FLOT1: variants seen among roughly 807,000 people sequenced by gnomAD.
FLOT1 encodes flotillin-1.
FLOT1 carries 40 observed loss-of-function variants against 58.4 expected under a neutral mutation model. That is an observed-to-expected ratio of 0.69 (90% CI 0.53 to 0.89). The LOEUF (loss-of-function observed/expected upper bound fraction) is 0.89, where lower values mean the gene tolerates loss of function less well. Among genes scored for constraint, FLOT1 ranks in the 40% least tolerant of loss-of-function variants. The pLI is 0.00. For missense variants in FLOT1, 423 were observed against 540.8 expected, an observed-to-expected ratio of 0.78 and a Z score of 2.16; for synonymous variants, 178 against 204.2, an observed-to-expected ratio of 0.87 and a Z score of 1.09.
intron 8 of FLOT1, among the ~76,000 whole-genome samples, chr6:30,738,135 T>C (rs923863959): frequency 3.3e-5 from 5 of 152,210 alleles, no homozygotes; most frequent in African/African-American, 1.2e-4. Context: ...CCAATGTGCA[T>C]ACAAATCACC....
chr6:30,742,446 C>A lies in FLOT1; in HGVS notation c.-15+81G>T. On this transcript the variant is annotated intron_variant, in intron 1 of 12. Transcript: ENST00000376389. This position sits in a 1 kb window ranked among gnomAD's most constrained non-coding sequence, Gnocchi z 5.2. ...GCCGCTCCCTTTGATAAAGGTCCCCCGCGCCCAGAGGCCTGCAGACCTTTC... is the reference window on the plus strand; with the variant it reads ...GCCGCTCCCTTTGATAAAGGTCCCCAGCGCCCAGAGGCCTGCAGACCTTTC... The A allele has an allele frequency of 1.7e-6, 1 of 576,590 alleles. No individual in the cohort carries two copies. The allele number at this position is 576,590 out of a possible 1,614,324, so 35.7% of individuals were successfully genotyped here.
rs1554208447 is a variant in FLOT1, at chr6:30,737,200, A to ACTGACTGTCTGT, written c.723+2957_723+2958insACAGACAGTCAG. ...CCACGTATGACTGACTGACTGACTGACTGTCTGTCGTCCGTCCGTCCGTCC... is the reference window on the plus strand; with the variant it reads ...CCACGTATGACTGACTGACTGACTGACTGACTGTCTGTCTGTCTGTCGTCCGTCCGTCCGTCC... On this transcript the variant is annotated intron_variant, in intron 8 of 12. Coordinates refer to ENST00000376389, the MANE Select transcript of FLOT1 (RefSeq NM_005803.4). The surrounding 1 kb of genome is among the most constrained non-coding windows in gnomAD (Gnocchi z 4.4). Among the ~76,000 whole-genome samples, 1 of 143,784 alleles carries ACTGACTGTCTGT rather than the reference A, an allele frequency of 7.0e-6. No individual in the cohort carries two copies. Among genetic ancestry groups the ACTGACTGTCTGT allele is most frequent in the Non-Finnish European group, 1.5e-5 (1 of 65,964 alleles). The allele number at this position is 143,784 out of a possible 152,430, so 94.3% of individuals were successfully genotyped here.
Position 30,738,640 on chromosome 6 carries a change from T to C in FLOT1, c.723+1518A>G, listed in dbSNP as rs576869538. On this transcript the variant is annotated intron_variant, in intron 8 of 12. Coordinates refer to ENST00000376389, the MANE Select transcript of FLOT1 (RefSeq NM_005803.4). ...AAGACACCTTATGTAAAATATATTG[T>C]TGATTCATTAACACTGAACTCACAG... 1.3e-4 allele frequency among the ~76,000 whole-genome samples: 20 copies of C among 152,326 alleles called. 1 individual carries two copies. The highest frequency in any genetic ancestry group is 2.6e-4 in the Non-Finnish European group (18 of 68,032).
Position 30,741,278 on chromosome 6 carries a change from A to G in FLOT1, c.266T>C (p.Leu89Pro). 6.2e-7 allele frequency: 1 copy of G among 1,613,086 alleles called. No homozygotes were observed. Among genetic ancestry groups the G allele is most frequent in the Non-Finnish European group, 8.5e-7 (1 of 1,180,022 alleles). Residue 89 changes from leucine (L) to proline (P), a missense_variant, in exon 5 of 13, where the codon CTG (leucine) becomes CCG (proline). By Grantham distance (98) the Leu-to-Pro change is moderately conservative. This residue lies in a region of FLOT1 where 91 missense variants were observed against 118.3 expected (regional missense o/e 0.77). Transcript: ENST00000376389. The surrounding 1 kb of genome is among the most constrained non-coding windows in gnomAD (Gnocchi z 5.9). ...GGCAATCTCAGCCTCCGTCTTCCCC[A>G]GGAACATCTGACAGGCGGCCGCCAA... Reference protein sequence around the residue: ...EMLAAACQMFLGKTEAEIAHI... With the variant: ...EMLAAACQMFPGKTEAEIAHI...
At position 30,738,984 on chromosome 6, in the gene FLOT1, C is replaced by A. The variant is rs562902123; in HGVS notation, c.723+1174G>T. Among the ~76,000 whole-genome samples the A allele has an allele frequency of 2.0e-5, 3 of 152,254 alleles. No individual in the cohort carries two copies. In the East Asian group the frequency reaches 5.8e-4, roughly 29 times the overall value. ...GAAAGTGCTGCGACTTTATTGGTAA[C>A]CTTTTGAGGTTACCAATACATTTTA... On this transcript the variant is annotated intron_variant, in intron 8 of 12. Transcript: ENST00000376389.
chr6:30,732,697 C>T (rs1413242299), intron 8 of FLOT1, among the ~76,000 whole-genome samples: 1 of 152,150 alleles, frequency 6.6e-6, no homozygotes, highest in Non-Finnish European at 1.5e-5. Flanking sequence ...CAGCCATGCA[C>T]CATCATCATT....
chr6:30,741,493 C>G lies in FLOT1; in HGVS notation c.210+121G>C. ...CTTGGGGTGCCTGGAAAAGATGAGACTAGCAGAGGAACTTCTCTGCAGGCA... is the reference window on the plus strand; with the variant it reads ...CTTGGGGTGCCTGGAAAAGATGAGAGTAGCAGAGGAACTTCTCTGCAGGCA... On this transcript the variant is annotated intron_variant, in intron 4 of 12. Coordinates refer to ENST00000376389, the MANE Select transcript of FLOT1 (RefSeq NM_005803.4). This position sits in a 1 kb window ranked among gnomAD's most constrained non-coding sequence, Gnocchi z 5.9. 8.0e-7 allele frequency: 1 copy of G among 1,253,416 alleles called. No homozygotes were observed. The highest frequency in any genetic ancestry group is 1.3e-5 in the South Asian group (1 of 79,490). 77.6% of individuals were successfully genotyped at this position (1,253,416 alleles called of 1,614,324 possible).
chr6:30,741,597 G>T lies in FLOT1; in HGVS notation c.210+17C>A. 1.3e-6 allele frequency: 2 copies of T among 1,585,774 alleles called. No homozygotes were observed. Among genetic ancestry groups the T allele is most frequent in the Middle Eastern group, 1.7e-4 (1 of 6,012 alleles). ...ATGGGGAAGTGGACTGTGGGGAAAA[G>T]GCTCTGAAAGCTTCACCTGGGCAAT... On this transcript the variant is annotated intron_variant, in intron 4 of 12. Transcript: ENST00000376389. This position sits in a 1 kb window ranked among gnomAD's most constrained non-coding sequence, Gnocchi z 5.9.
chr6:30,740,628 C>CT (rs1177031411), intron 6 of FLOT1, 37 bp from the exon 7 acceptor site: 6 of 1,612,818 alleles, frequency 3.7e-6, no homozygotes, highest in Non-Finnish European at 5.1e-6. Flanking sequence ...CTTTGGAGGG[C>CT]TTAAGAGATG....
In FLOT1 at chr6:30,730,694, G is replaced by A; in HGVS notation, c.939C>T (p.Ala313=). 2 of 1,613,490 alleles carry A rather than the reference G, an allele frequency of 1.2e-6. No homozygotes were observed. The highest frequency in any genetic ancestry group is 1.7e-6 in the Non-Finnish European group (2 of 1,180,046). Residue 313 remains alanine (A), a synonymous_variant, in exon 10 of 13, where the codon GCC becomes GCT. Coordinates refer to ENST00000376389, the MANE Select transcript of FLOT1 (RefSeq NM_005803.4). ...CCTCTTAACTCACCCGCACAGACGC[G>A]GCTTCTGCCTCCGCCTGCATAATTA... ...SQLIMQAEAE[A]ASVRMRGEAE...
chr6:30,730,058 C>G lies in FLOT1; in HGVS notation c.1218G>C (p.Glu406Asp). ...EVLDILTRLP[E>D]SVERLTGVSI... is the part of the protein sequence containing the mutation. Reference sequence around the variant, plus strand: ...TCACGCCTGTGAGTCTTTCCACACTCTCTGGCAGGCGAGTTAGAATGTCCA... The same window carrying G: ...TCACGCCTGTGAGTCTTTCCACACTGTCTGGCAGGCGAGTTAGAATGTCCA... Residue 406 changes from glutamate (E) to aspartate (D), a missense_variant, in exon 12 of 13, where the codon GAG becomes GAC. Glu to Asp is a conservative substitution (Grantham distance 45). Coordinates refer to ENST00000376389, the MANE Select transcript of FLOT1 (RefSeq NM_005803.4). The G allele has an allele frequency of 6.2e-7, 1 of 1,613,056 alleles. No homozygotes were observed. Among genetic ancestry groups the G allele is most frequent in the Non-Finnish European group, 8.5e-7 (1 of 1,180,028 alleles).
In FLOT1 at chr6:30,742,308, C is replaced by A. The variant is rs1221651156; in HGVS notation, c.-14-105G>T. 2 of 926,530 alleles carry A rather than the reference C, an allele frequency of 2.2e-6. No individual in the cohort carries two copies. The highest frequency in any genetic ancestry group is 1.3e-5 in the South Asian group (1 of 74,126). The allele number at this position is 926,530 out of a possible 1,614,324, so 57.4% of individuals were successfully genotyped here. Reference sequence around the variant, plus strand: ...CCGTCAGGCCCTCCCAGTCTGCATCCGCCACGGCCCGTCCCTTCTACACCC... The same window carrying A: ...CCGTCAGGCCCTCCCAGTCTGCATCAGCCACGGCCCGTCCCTTCTACACCC... On this transcript the variant is annotated intron_variant, in intron 1 of 12. Transcript: ENST00000376389. This position sits in a 1 kb window ranked among gnomAD's most constrained non-coding sequence, Gnocchi z 5.2.
chr6:30,732,234 G>A (rs2127766435), intron 8 of FLOT1, among the ~76,000 whole-genome samples: 1 of 152,264 alleles, frequency 6.6e-6, no homozygotes, highest in Non-Finnish European at 1.5e-5. Flanking sequence ...TTCCCAAAGT[G>A]CTGGGATTAC....
In FLOT1 at chr6:30,741,142, C is replaced by T. The variant is rs767034342; in HGVS notation, c.354+48G>A. On this transcript the variant is annotated intron_variant, in intron 5 of 12. Transcript: ENST00000376389. The surrounding 1 kb of genome is among the most constrained non-coding windows in gnomAD (Gnocchi z 5.9). ...CACAGACTAGTGTGGGCCTTGGGCCCCCCTCATTTTGACATCCTTCCAGAT... is the reference window on the plus strand; with the variant it reads ...CACAGACTAGTGTGGGCCTTGGGCCTCCCTCATTTTGACATCCTTCCAGAT... 108 of 1,603,632 alleles carry T rather than the reference C, an allele frequency of 6.7e-5. No individual in the cohort carries two copies. Among genetic ancestry groups the T allele is most frequent in the Non-Finnish European group, 9.0e-5 (106 of 1,174,064 alleles).
intron 12 of FLOT1, among the ~76,000 whole-genome samples, chr6:30,729,134 G>A (rs926077207): frequency 6.6e-6 from 1 of 151,074 alleles, no homozygotes; most frequent in Non-Finnish European, 1.5e-5. Context: ...GAGTGCAGTG[G>A]TGTGATCTCA....
At position 30,730,198 on chromosome 6, in the gene FLOT1, G is replaced by C. The variant is rs750355840; in HGVS notation, c.1090-12C>G. Reference sequence around the variant, plus strand: ...ATCTCCTCTGCCACCTGGCAGGAGAGAGACACCCACTCAGTGCCCATGATC... The same window carrying C: ...ATCTCCTCTGCCACCTGGCAGGAGACAGACACCCACTCAGTGCCCATGATC... On this transcript the variant is annotated splice_polypyrimidine_tract_variant and intron_variant, in intron 11 of 12. Coordinates refer to ENST00000376389, the MANE Select transcript of FLOT1 (RefSeq NM_005803.4). 2.5e-6 allele frequency: 4 copies of C among 1,612,810 alleles called. No homozygotes were observed. Among genetic ancestry groups the C allele is most frequent in the East Asian group, 4.5e-5 (2 of 44,870 alleles).
chr6:30,728,013 A>T lies in FLOT1; in HGVS notation c.*103T>A. On this transcript the variant is annotated 3_prime_UTR_variant, in exon 13 of 13. Coordinates refer to ENST00000376389, the MANE Select transcript of FLOT1 (RefSeq NM_005803.4). ...AAGGAGAGATGAGGGGTGGGACCTCACTGTCAATGGACATGCTCAGGGAGG... is the reference window on the plus strand; with the variant it reads ...AAGGAGAGATGAGGGGTGGGACCTCTCTGTCAATGGACATGCTCAGGGAGG... 9.3e-7 allele frequency: 1 copy of T among 1,073,154 alleles called. No individual in the cohort carries two copies. Among genetic ancestry groups the T allele is most frequent in the Non-Finnish European group, 1.4e-6 (1 of 690,596 alleles). The allele number at this position is 1,073,154 out of a possible 1,614,324, so 66.5% of individuals were successfully genotyped here.
chr6:30,741,113 C>A lies in FLOT1; in HGVS notation c.354+77G>T. The A allele has an allele frequency of 6.5e-7, 1 of 1,536,992 alleles. No homozygotes were observed. Among genetic ancestry groups the A allele is most frequent in the Non-Finnish European group, 8.9e-7 (1 of 1,119,260 alleles). On this transcript the variant is annotated intron_variant, in intron 5 of 12. Transcript: ENST00000376389. This position sits in a 1 kb window ranked among gnomAD's most constrained non-coding sequence, Gnocchi z 5.9. The stretch of plus-strand genomic sequence containing the variant: ...GGATGTATGCTCTTGGATCCACTGT[C>A]TCTCACAGACTAGTGTGGGCCTTGG...
Position 30,730,979 on chromosome 6 carries a change from C to T in FLOT1, c.845G>A (p.Arg282Gln). The part of the protein sequence containing the change: ...IARREKELEA[R>Q]VRKPAEAERY... ...CTCCGCTTCCGCTGGCTTCCGCACC[C>T]GGGCCTCCAGCTCCTTCTCCCGCCG... Residue 282 changes from arginine (R) to glutamine (Q), a missense_variant, in exon 9 of 13, where the codon CGG becomes CAG. Coordinates refer to ENST00000376389, the MANE Select transcript of FLOT1 (RefSeq NM_005803.4). 5.6e-6 allele frequency: 9 copies of T among 1,613,968 alleles called. No homozygotes were observed. The highest frequency in any genetic ancestry group is 7.6e-6 in the Non-Finnish European group (9 of 1,179,974).
Sources: allele counts gnomAD v4.1 joint callset (sites outside exome capture counted in the v4.1 genomes callset), GRCh38; gene constraint gnomAD v4.1.1; regional missense constraint gnomAD v4.1.1; non-coding constraint Gnocchi (gnomAD v3.1); transcripts MANE v1.5; gene names NCBI Gene and HGNC (gene_info 2026-07-23, HGNC 2026-07-21).